Variants in DOCK9 observed in about 807,000 individuals in gnomAD.
The protein encoded by DOCK9 is dedicator of cytokinesis protein 9.
Under a neutral mutation model 263.3 loss-of-function variants are expected in DOCK9, and 89 were observed. That is an observed-to-expected ratio of 0.34 (90% CI 0.28 to 0.40). The LOEUF is 0.40. DOCK9 is among the 10% of genes least tolerant of loss of function. The pLI is 1.00. For missense variants in DOCK9, 2,140 were observed against 2,603.4 expected (o/e 0.82, Z 3.87); for synonymous variants, 976 against 973.1 (o/e 1.00, Z -0.06).
In DOCK9 at chr13:98,920,859, G is replaced by A; in HGVS notation, c.717+95C>T. The A allele has an allele frequency of 2.5e-6, 3 of 1,215,896 alleles. No individual in the cohort carries two copies. The South Asian group carries it at 5.1e-5, about 21-fold the overall frequency. 75.3% of individuals were successfully genotyped at this position (1,215,896 alleles called of 1,614,324 possible). ...ATGTTATATTTCTACCATGCATATT[G>A]CCATTTTTGGAAGTGTTTGCTTAAA... On this transcript the variant is annotated intron_variant, in intron 7 of 52. Coordinates refer to ENST00000682017, the MANE Select transcript of DOCK9 (RefSeq NM_001366683.2).
intron 1 of DOCK9, among the ~76,000 whole-genome samples, chr13:99,061,790 T>A (rs1156734032): frequency 6.6e-6 from 1 of 152,166 alleles, no homozygotes; most frequent in African/African-American, 2.4e-5. Flanking sequence ...TTTGGTTGTC[T>A]GTAAATGTTT....
rs1032027818 is a variant in DOCK9, at chr13:98,903,260, C to T, written c.1036-148G>A. The T allele has an allele frequency of 7.4e-6, 5 of 679,110 alleles. No individual in the cohort carries two copies. The African/African-American group carries it at 9.5e-5, about 13-fold the overall frequency. The allele number at this position is 679,110 out of a possible 1,614,324, so 42.1% of individuals were successfully genotyped here. ...AGTGTTGCTATTATATAATCGGTTT[C>T]TATGGTTTATAGTAGTTACACACAT... On this transcript the variant is annotated intron_variant, in intron 10 of 52. Transcript: ENST00000682017.
chr13:98,795,145 ATAAGGCAACGTGAGGTCTACT>A (rs1451231964), intron 52 of DOCK9, among the ~76,000 whole-genome samples: 5 of 151,906 alleles, frequency 3.3e-5, no homozygotes, highest in East Asian at 1.9e-4. Flanking sequence ...TCACCAGATC[ATAAGGCAACGTGAGGTCTACT>A]TAAGGCAACG....
At chr13:98,863,570 C>T in intron 30 of DOCK9, 22 bp from the exon 31 acceptor site, 1 of 1,581,026 alleles carries the variant, frequency 6.3e-7, no homozygotes, top group Non-Finnish European at 8.6e-7. Context: ...ATAGAAACTA[C>T]TTGAGTTAGG....
intron 36 of DOCK9, among the ~76,000 whole-genome samples, chr13:98,849,170 T>G (rs2093483283): frequency 6.6e-6 from 1 of 152,150 alleles, no homozygotes; most frequent in African/African-American, 2.4e-5. Context: ...TGAGCTCCTC[T>G]GGTGTTGAAT....
chr13:98,808,564 C>A, intron 47 of DOCK9: 2 of 971,728 alleles, frequency 2.1e-6, no homozygotes. Context: ...AAACAAAAAA[C>A]ATCCACATCA....
rs1368264825 is a variant in DOCK9, at chr13:98,831,739, A to C, written c.4362T>G (p.Val1454=). The change falls in exon 40 of 53, where the codon GTT becomes GTG. Residue 1454 remains valine (V), a synonymous_variant. Transcript: ENST00000682017. ...GAAGAAAACACAGGTAGACATCAAA[A>C]ACTTTTTTCATGAGAGGATTATGTC... The part of the protein sequence containing the change: ...DHGHNPLMKK[V]FDVYLCFLQK... The C allele has an allele frequency of 6.2e-7, 1 of 1,613,998 alleles. No individual in the cohort carries two copies. Among genetic ancestry groups the C allele is most frequent in the Non-Finnish European group, 8.5e-7 (1 of 1,179,892 alleles).
chr13:99,002,543 C>G (rs1249074512), intron 1 of DOCK9, among the ~76,000 whole-genome samples: 1 of 152,234 alleles, frequency 6.6e-6, no homozygotes, highest in Non-Finnish European at 1.5e-5. Context: ...TCCACGGTCC[C>G]TGGTCAGTGG....
intron 9 of DOCK9, among the ~76,000 whole-genome samples, chr13:98,908,346 A>C (rs1395550976): frequency 6.6e-6 from 1 of 152,162 alleles, no homozygotes; most frequent in Non-Finnish European, 1.5e-5. Flanking sequence ...AAACACAATA[A>C]ACTTTGACTT....
rs2044765747 is a variant in DOCK9 at position 98,881,598 on chromosome 13, T to C, written c.2705A>G (p.His902Arg). The change falls in exon 25 of 53, where the codon CAT (histidine) becomes CGT (arginine). Residue 902 changes from histidine to arginine, a missense_variant. Physicochemically the swap from His to Arg is conservative, Grantham distance 29. This residue lies in a region of DOCK9 where 1,521 missense variants were observed against 1,741.7 expected (regional missense o/e 0.87). Transcript: ENST00000682017. ...CAAGTGGCTCTCCAATCCTTCCTCA[T>C]GGCACTGGGCAACCACATGAATAAT... ...RVIIHVVAQCHEEGLESHLRS... is the reference protein window; with the variant it reads ...RVIIHVVAQCREEGLESHLRS... 2 of 1,609,584 alleles carry C rather than the reference T, an allele frequency of 1.2e-6. No individual in the cohort carries two copies. The highest frequency in any genetic ancestry group is 2.2e-5 in the East Asian group (1 of 44,828).
At chr13:98,887,141 ATATTTTTTTTTTTT>A (rs1179667634) in intron 18 of DOCK9, among the ~76,000 whole-genome samples, 11 of 59,640 alleles carry the variant, frequency 1.8e-4, no homozygotes, top group African/African-American at 5.3e-4. Context: ...ATATATATAT[ATATTTTTTTTTTTT>A]TTTTTTTTTT....
intron 27 of DOCK9, among the ~76,000 whole-genome samples, chr13:98,870,516 G>A (rs1371446414): frequency 6.6e-6 from 1 of 152,176 alleles, no homozygotes; most frequent in Non-Finnish European, 1.5e-5. Context: ...TGAAAAAGAG[G>A]TATCCCAAGA....
chr13:99,032,406 G>T (rs1378646088), intron 1 of DOCK9, among the ~76,000 whole-genome samples: 1 of 151,558 alleles, frequency 6.6e-6, no homozygotes, highest in Non-Finnish European at 1.5e-5. Context: ...AACCCAGTAG[G>T]TGGAGGCTGC....
chr13:98,961,848 A>G lies in DOCK9; in HGVS notation c.127-6297T>C, dbSNP rs560405667. 5.6e-4 allele frequency among the ~76,000 whole-genome samples: 85 copies of G among 152,272 alleles called. 1 individual carries two copies. The South Asian group carries it at 0.017, about 31-fold the overall frequency. On this transcript the variant is annotated intron_variant, in intron 1 of 52. Transcript: ENST00000682017. ...GGAACGTGCCCACTGTGTCCACCCA[A>G]TGTCATGACACAGAAGATGGGACGC... is the stretch of plus-strand genomic sequence containing the variant.
rs558144515 is a variant in DOCK9 at position 98,862,876 on chromosome 13, C to A, written c.3579+143G>T. ...GAGCCTCCAGTAGGAACCAACCCCA[C>A]TGACACCTTGATTTTGGACTTCTGG... On this transcript the variant is annotated intron_variant, in intron 32 of 52. Coordinates refer to ENST00000682017, the MANE Select transcript of DOCK9 (RefSeq NM_001366683.2). 1.2e-3 allele frequency: 825 copies of A among 687,050 alleles called. 1 individual carries two copies. Among genetic ancestry groups the A allele is most frequent in the Non-Finnish European group, 1.8e-3 (735 of 403,572 alleles). The allele number at this position is 687,050 out of a possible 1,614,324, so 42.6% of individuals were successfully genotyped here. A position where few individuals can be genotyped will look rare whatever the true frequency, so the allele number is the denominator to read the frequency against.
chr13:98,971,504 G>A lies in DOCK9; in HGVS notation c.126+6280C>T, dbSNP rs192426362. On this transcript the variant is annotated intron_variant, in intron 1 of 52. Coordinates refer to ENST00000682017, the MANE Select transcript of DOCK9 (RefSeq NM_001366683.2). ...GGGCGGATCACGAAATCAGGACATC[G>A]AGACCATCCTGGCTAACACGGTGAA... is the stretch of plus-strand genomic sequence containing the variant. 7.1e-4 allele frequency among the ~76,000 whole-genome samples: 47 copies of A among 65,794 alleles called. 1 individual carries two copies. The highest frequency in any genetic ancestry group is 3.9e-3 in the African/African-American group (46 of 11,710). 43.2% of individuals were successfully genotyped at this position (65,794 alleles called of 152,430 possible).
At position 98,955,415 on chromosome 13, in the gene DOCK9, A is replaced by G. The variant is rs757494254; in HGVS notation, c.243+20T>C. The G allele has an allele frequency of 6.6e-7, 1 of 1,513,174 alleles. No homozygotes were observed. The highest frequency in any genetic ancestry group is 1.2e-5 in the South Asian group (1 of 82,696). The allele number at this position is 1,513,174 out of a possible 1,614,324, so 93.7% of individuals were successfully genotyped here. On this transcript the variant is annotated intron_variant, in intron 2 of 52. Coordinates refer to ENST00000682017, the MANE Select transcript of DOCK9 (RefSeq NM_001366683.2). ...AGATCAAACACGTGGTTCTACGGAT[A>G]GAAACATAACGTTACTTACCTGAAA...
chr13:98,997,760 C>T lies in DOCK9; in HGVS notation c.130-42209G>A, dbSNP rs1241348803. On this transcript the variant is annotated intron_variant, in intron 1 of 32. Coordinates refer to the DOCK9 transcript ENST00000427887. The stretch of plus-strand genomic sequence containing the variant: ...CTGGTCAGGAATACTCCAGTCACCC[C>T]CTGACTTTGTGCATCTTTGTTATAC... Among the ~76,000 whole-genome samples, 9 of 152,316 alleles carry T rather than the reference C, an allele frequency of 5.9e-5. No homozygotes were observed. In the South Asian group the frequency reaches 1.2e-3, roughly 21 times the overall value.
intron 1 of DOCK9, among the ~76,000 whole-genome samples, chr13:99,017,247 C>A (rs1402514477): frequency 1.3e-5 from 2 of 152,144 alleles, no homozygotes; most frequent in Non-Finnish European, 2.9e-5. Flanking sequence ...AATCACAATG[C>A]TGACAGATAA....
Sources: gnomAD v4.1 joint callset for allele counts (sites outside exome capture counted in the v4.1 genomes callset) on GRCh38, gnomAD v4.1.1 for gene constraint, gnomAD v4.1.1 regional missense constraint, MANE v1.5 for transcripts, NCBI Gene and HGNC (gene_info 2026-07-23, HGNC 2026-07-21) for gene names.